REV1: variants seen among roughly 807,000 people sequenced by gnomAD.
REV1 encodes translesion synthesis protein REV1.
In REV1, 42 loss-of-function variants were observed where a neutral mutation model predicts 137.4. The observed-to-expected ratio is 0.31, with a 90% confidence interval of 0.24 to 0.40. The LOEUF is 0.40. Ranked by LOEUF, REV1 falls within the 10% of genes least tolerant of loss-of-function variation. The pLI is 1.00. For synonymous variants in REV1, 524 were observed against 519.2 expected, an observed-to-expected ratio of 1.01 and a Z score of -0.12; for missense variants, 1,282 against 1,490.1, an observed-to-expected ratio of 0.86 and a Z score of 2.30.
intron 16 of REV1, 45 bp from the exon 17 acceptor site, chr2:99,406,151 C>T (rs774286577): frequency 4.0e-5 from 60 of 1,516,114 alleles, no homozygotes; most frequent in Admixed American, 7.9e-5. Flanking sequence ...GATCATCGGG[C>T]AGGGCCTTTA....
intron 7 of REV1, 80 bp downstream of exon 7, chr2:99,435,754 A>G: frequency 1.3e-6 from 1 of 752,648 alleles, no homozygotes; most frequent in South Asian, 2.2e-5. Flanking sequence ...TAATTTTTTA[A>G]AAAAAGATTT....
At chr2:99,413,034 C>T (rs983199745) in intron 12 of REV1, 83 bp from the exon 13 acceptor site, 15 of 929,724 alleles carry the variant, frequency 1.6e-5, no homozygotes, top group East Asian at 2.5e-5. Context: ...CATTTATGCA[C>T]AAAACAACTA....
At chr2:99,415,349 G>C (rs1385011557) in intron 12 of REV1, among the ~76,000 whole-genome samples, 1 of 152,286 alleles carries the variant, frequency 6.6e-6, no homozygotes, top group African/African-American at 2.4e-5. Context: ...GGAGGCTCCT[G>C]GTCAAGCAAC....
intron 2 of REV1, among the ~76,000 whole-genome samples, 197 bp downstream of exon 2, chr2:99,464,725 G>C (rs1684608216): frequency 6.6e-6 from 1 of 152,074 alleles, no homozygotes; most frequent in South Asian, 2.1e-4. Flanking sequence ...TATTTCCTCA[G>C]GGTAAAATTC....
chr2:99,457,609 A>T (rs1458064710), intron 3 of REV1, among the ~76,000 whole-genome samples: 2 of 49,524 alleles, frequency 4.0e-5, no homozygotes, highest in East Asian at 8.4e-4. Flanking sequence ...CGCTTGAGCC[A>T]GGGAGGCAGA....
In REV1 at chr2:99,424,145, A is replaced by G; in HGVS notation, c.1676+7T>C. 6.2e-7 allele frequency: 1 copy of G among 1,613,516 alleles called. No individual in the cohort carries two copies. Among genetic ancestry groups the G allele is most frequent in the Non-Finnish European group, 8.5e-7 (1 of 1,179,704 alleles). On this transcript the variant is annotated splice_region_variant and intron_variant, in intron 10 of 22. Coordinates refer to ENST00000258428, the MANE Select transcript of REV1 (RefSeq NM_016316.4). ...CAGACACAAAATGACAGTTTGATAC[A>G]CTGTACCTTGCCAATGTTTCATACA...
At chr2:99,437,832 T>C (rs572769683) in intron 6 of REV1, among the ~76,000 whole-genome samples, 2 of 152,264 alleles carry the variant, frequency 1.3e-5, no homozygotes, top group South Asian at 2.1e-4. Context: ...TAAAAGCACA[T>C]AGGAATACAT....
chr2:99,472,104 C>T (rs1243933697), intron 1 of REV1, among the ~76,000 whole-genome samples: 1 of 152,008 alleles, frequency 6.6e-6, no homozygotes, highest in Non-Finnish European at 1.5e-5. Context: ...TTTATTTGTA[C>T]ATTCATATTA....
rs574425278 is a variant in REV1 at position 99,477,211 on chromosome 2, C to A, written c.-10-12226G>T. Among the ~76,000 whole-genome samples, 40 of 152,326 alleles carry A rather than the reference C, an allele frequency of 2.6e-4. No individual in the cohort carries two copies. The East Asian group carries it at 7.7e-3, about 29-fold the overall frequency. ...GTGGGCAACCAGAGACTACATTTCC[C>A]ACGCTCCTCTCAAAATCGGGGGTGG... On this transcript the variant is annotated intron_variant, in intron 1 of 22. Coordinates refer to ENST00000258428, the MANE Select transcript of REV1 (RefSeq NM_016316.4).
In REV1 at chr2:99,404,690, A is replaced by G; in HGVS notation, c.2812-13T>C. On this transcript the variant is annotated splice_polypyrimidine_tract_variant and intron_variant, in intron 17 of 22. Transcript: ENST00000258428. ...CAGACTGATCCAGCTATAAAATGCCAAACATATGAGTAGGAAGTTAAAGCA... is the reference window on the plus strand; with the variant it reads ...CAGACTGATCCAGCTATAAAATGCCGAACATATGAGTAGGAAGTTAAAGCA... 6.3e-7 allele frequency: 1 copy of G among 1,582,492 alleles called. No individual in the cohort carries two copies. Among genetic ancestry groups the G allele is most frequent in the Non-Finnish European group, 8.7e-7 (1 of 1,155,612 alleles).
chr2:99,482,068 G>A (rs1686664665), intron 1 of REV1, among the ~76,000 whole-genome samples: 2 of 152,208 alleles, frequency 1.3e-5, no homozygotes, highest in Non-Finnish European at 2.9e-5. Context: ...TGCCAACCAT[G>A]TGAATAGTGG....
chr2:99,489,734 C>CG (rs535989354), intron 1 of REV1, 83 bp downstream of exon 1: 24,223 of 149,646 alleles, frequency 0.16, 2,477 homozygotes, highest in African/African-American at 0.27. Flanking sequence ...TGGCCGCTGC[C>CG]GGGCGGGTCT....
chr2:99,439,737 G>C (rs1478434327), intron 5 of REV1, among the ~76,000 whole-genome samples: 1 of 152,150 alleles, frequency 6.6e-6, no homozygotes, highest in East Asian at 1.9e-4. Context: ...CTGAAGCACA[G>C]TGCTTGGCAT....
rs1296543927 is a variant in REV1 at position 99,402,776 on chromosome 2, C to A, written c.3409G>T (p.Gly1137Cys). 6.2e-7 allele frequency: 1 copy of A among 1,614,184 alleles called. No homozygotes were observed. The highest frequency in any genetic ancestry group is 2.2e-5 in the East Asian group (1 of 44,886). The stretch of plus-strand genomic sequence containing the variant: ...TGCAAACTAGAAAGGCCTGGCACAC[C>A]TGAAGTAGAAGCAGAGAGTTCTTCC... ...PLEELSASTSGVPGLSSLQSD... is the reference protein window; with the variant it reads ...PLEELSASTSCVPGLSSLQSD... Residue 1137 changes from glycine to cysteine, a missense_variant, in exon 21 of 23, where the codon GGT becomes TGT. Gly to Cys is a radical substitution (Grantham distance 159). This residue lies in a region of REV1 where 170 missense variants were observed against 156.8 expected (regional missense o/e 1.08). Coordinates refer to ENST00000258428, the MANE Select transcript of REV1 (RefSeq NM_016316.4).
chr2:99,468,441 A>C (rs929368808), intron 1 of REV1, among the ~76,000 whole-genome samples: 2 of 152,202 alleles, frequency 1.3e-5, no homozygotes, highest in Non-Finnish European at 2.9e-5. Context: ...TCCTGTTCCA[A>C]GCAACCTCCT....
intron 3 of REV1, 23 bp downstream of exon 3, chr2:99,462,472 AG>A: frequency 3.2e-6 from 5 of 1,582,104 alleles, no homozygotes; most frequent in Non-Finnish European, 4.3e-6. Context: ...ATGCCAAAAT[AG>A]GGTTAAGTAA....
intron 16 of REV1, 36 bp from the exon 17 acceptor site, chr2:99,406,142 A>G (rs1334664763): frequency 6.5e-7 from 1 of 1,546,744 alleles, no homozygotes; most frequent in Admixed American, 1.9e-5. Context: ...GCCTCTTCAG[A>G]TCATCGGGCA....
intron 1 of REV1, among the ~76,000 whole-genome samples, chr2:99,478,040 C>T (rs1686180259): frequency 6.6e-6 from 1 of 152,150 alleles, no homozygotes; most frequent in African/African-American, 2.4e-5. Flanking sequence ...CGAGACCAGC[C>T]TGGCCAAAAT....
intron 5 of REV1, 123 bp from the exon 6 acceptor site, chr2:99,439,433 C>A (rs1451244): frequency 6.8e-6 from 4 of 586,360 alleles, no homozygotes; most frequent in Non-Finnish European, 1.1e-5. Flanking sequence ...ACAGAAAATT[C>A]TTATATTGAA....
Sources: allele counts gnomAD v4.1 joint callset (sites outside exome capture counted in the v4.1 genomes callset), GRCh38; gene constraint gnomAD v4.1.1; regional missense constraint gnomAD v4.1.1; transcripts MANE v1.5; gene names NCBI Gene and HGNC (gene_info 2026-07-23, HGNC 2026-07-21).